Variants in PTPRM observed in about 807,000 individuals in gnomAD.
The protein encoded by PTPRM is receptor-type tyrosine-protein phosphatase mu.
In PTPRM, 47 loss-of-function variants were observed where a neutral mutation model predicts 186.7. That is an observed-to-expected ratio of 0.25 (90% CI 0.20 to 0.32). PTPRM has a LOEUF of 0.32. PTPRM is among the 10% of genes least tolerant of loss of function. The probability of loss-of-function intolerance (pLI) is 1.00; values close to 1 mark genes in which losing one functional copy is unlikely to be tolerated. For synonymous variants in PTPRM, 668 were observed against 674.9 expected, an observed-to-expected ratio of 0.99 and a Z score of 0.16; for missense variants, 1,494 against 1,865.0, an observed-to-expected ratio of 0.80 and a Z score of 3.66.
chr18:7,942,011 T>C (rs28429357), intron 5 of PTPRM, among the ~76,000 whole-genome samples: 9,238 of 152,152 alleles, frequency 0.061, 949 homozygotes, highest in African/African-American at 0.21. Flanking sequence ...TATGGCTGGG[T>C]GCGATGGCTC....
intron 1 of PTPRM, among the ~76,000 whole-genome samples, chr18:7,615,292 T>A (rs1008504300): frequency 7.2e-5 from 11 of 152,170 alleles, no homozygotes; most frequent in African/African-American, 2.7e-4. Context: ...TAAAGCACTG[T>A]CATCATTTCT....
chr18:7,823,305 A>G (rs2045306440), intron 2 of PTPRM, among the ~76,000 whole-genome samples: 1 of 152,164 alleles, frequency 6.6e-6, no homozygotes, highest in Non-Finnish European at 1.5e-5. Flanking sequence ...AGAAAACAGA[A>G]CGATGGTATT....
intron 3 of PTPRM, among the ~76,000 whole-genome samples, chr18:7,890,465 G>A (rs1421474893): frequency 6.6e-6 from 1 of 151,888 alleles, no homozygotes; most frequent in Non-Finnish European, 1.5e-5. Context: ...ATCTTTGTAG[G>A]CATATACCTA....
At chr18:7,690,738 G>A (rs1430314058) in intron 1 of PTPRM, among the ~76,000 whole-genome samples, 1 of 152,130 alleles carries the variant, frequency 6.6e-6, no homozygotes, top group East Asian at 1.9e-4. Context: ...TAAAATTATG[G>A]TTGTTACCTA....
At chr18:8,244,289 A>AAAC (rs2094458002) in intron 15 of PTPRM, 80 bp downstream of exon 15, 12 of 1,349,092 alleles carry the variant, frequency 8.9e-6, no homozygotes, top group Non-Finnish European at 1.2e-5. Flanking sequence ...GATTTCAAAA[A>AAAC]AAAAAAAAGC....
intron 7 of PTPRM, among the ~76,000 whole-genome samples, chr18:7,985,008 T>A (rs1216079976): frequency 7.9e-6 from 1 of 126,498 alleles, no homozygotes; most frequent in Non-Finnish European, 1.5e-5. Flanking sequence ...TAATTGTATA[T>A]ACATATAATT....
chr18:8,093,376 T>TAA (rs1477825745), intron 11 of PTPRM, among the ~76,000 whole-genome samples: 99 of 152,332 alleles, frequency 6.5e-4, no homozygotes, highest in African/African-American at 2.3e-3. Context: ...TTAGCAGTAG[T>TAA]TCTCATTACA....
At chr18:7,906,637 A>C in intron 4 of PTPRM, 54 bp downstream of exon 4, 1 of 1,358,640 alleles carries the variant, frequency 7.4e-7, no homozygotes, top group Middle Eastern at 1.8e-4. Flanking sequence ...GCATGTTTAC[A>C]TTATGAATGA....
chr18:8,178,933 C>T (rs2093530717), intron 14 of PTPRM, among the ~76,000 whole-genome samples: 2 of 152,196 alleles, frequency 1.3e-5, no homozygotes, highest in South Asian at 2.1e-4. Flanking sequence ...GTACATTCCT[C>T]ACCTCTTAAG....
chr18:7,960,480 T>TATATATATATATACACACACAC (rs1300573371), intron 7 of PTPRM, among the ~76,000 whole-genome samples: 2 of 86,600 alleles, frequency 2.3e-5, no homozygotes, highest in African/African-American at 8.7e-5. Context: ...TATATATATA[T>TATATATATATATACACACACAC]ACACACACAC....
At chr18:7,606,892 T>A (rs1225988478) in intron 1 of PTPRM, among the ~76,000 whole-genome samples, 1 of 152,262 alleles carries the variant, frequency 6.6e-6, no homozygotes, top group South Asian at 2.1e-4. Flanking sequence ...AAGCAGATTT[T>A]AAAAATCTTG....
intron 1 of PTPRM, among the ~76,000 whole-genome samples, chr18:7,674,586 G>T (rs1002818725): frequency 6.6e-6 from 1 of 152,208 alleles, no homozygotes; most frequent in East Asian, 1.9e-4. Context: ...AGGCAGTGCT[G>T]AGAAGGCCGA....
chr18:8,288,625 C>T (rs1023674058), intron 19 of PTPRM, among the ~76,000 whole-genome samples: 6 of 152,164 alleles, frequency 3.9e-5, no homozygotes, highest in Non-Finnish European at 7.4e-5. Flanking sequence ...GTGAACACTC[C>T]GCAGTTACTG....
intron 4 of PTPRM, among the ~76,000 whole-genome samples, chr18:7,909,394 T>G (rs544389936): frequency 6.6e-6 from 1 of 152,228 alleles, no homozygotes; most frequent in Admixed American, 6.5e-5. Flanking sequence ...ACCAAGGTGA[T>G]GTATGGTACA....
At chr18:8,063,322 A>AAGGTG (rs2088769593) in intron 7 of PTPRM, among the ~76,000 whole-genome samples, 3 of 146,736 alleles carry the variant, frequency 2.0e-5, no homozygotes, top group Admixed American at 6.7e-5. Context: ...CGGCTTGCGC[A>AAGGTG]CACCCACTGG....
At chr18:7,882,991 G>T (rs1567963612) in intron 2 of PTPRM, among the ~76,000 whole-genome samples, 1 of 152,270 alleles carries the variant, frequency 6.6e-6, no homozygotes, top group East Asian at 1.9e-4. Flanking sequence ...TTATCAAAGA[G>T]TTTTCCTTTT....
chr18:8,248,798 G>A (rs143671885), intron 17 of PTPRM, among the ~76,000 whole-genome samples: 4 of 152,260 alleles, frequency 2.6e-5, no homozygotes, highest in African/African-American at 9.6e-5. Context: ...TGACAAGATG[G>A]CACTTATAAT....
In PTPRM at chr18:8,085,556, T is replaced by C; in HGVS notation, c.1552-115T>C. Reference sequence around the variant, plus strand: ...GGATTCAGGATTTCAAGAGTCTGAGTAGGAGCTTATCATAAAGTGTCTGAC... The same window carrying C: ...GGATTCAGGATTTCAAGAGTCTGAGCAGGAGCTTATCATAAAGTGTCTGAC... On this transcript the variant is annotated intron_variant, in intron 9 of 32. Coordinates refer to ENST00000580170, the MANE Select transcript of PTPRM (RefSeq NM_001105244.2). The C allele has an allele frequency of 1.1e-5, 10 of 874,454 alleles. No individual in the cohort carries two copies. The South Asian group carries it at 1.6e-4, about 14-fold the overall frequency. The allele number at this position is 874,454 out of a possible 1,614,324, so 54.2% of individuals were successfully genotyped here.
chr18:7,727,004 A>G (rs2040562844), intron 1 of PTPRM, among the ~76,000 whole-genome samples: 1 of 152,118 alleles, frequency 6.6e-6, no homozygotes, highest in South Asian at 2.1e-4. Context: ...ATTCAGTGGT[A>G]AGACAAACTT....
Sources: gnomAD v4.1 joint callset for allele counts (sites outside exome capture counted in the v4.1 genomes callset) on GRCh38, gnomAD v4.1.1 for gene constraint, MANE v1.5 for transcripts, NCBI Gene and HGNC (gene_info 2026-07-23, HGNC 2026-07-21) for gene names.